KLHL7: variants seen among roughly 807,000 people sequenced by gnomAD.
The protein encoded by KLHL7 is kelch-like protein 7.
Under a neutral mutation model 67.4 loss-of-function variants are expected in KLHL7, and 44 were observed. That is an observed-to-expected ratio of 0.65 (90% CI 0.51 to 0.84). The LOEUF is 0.84. Ranked by LOEUF, KLHL7 falls within the 40% of genes least tolerant of loss-of-function variation. The pLI is 0.00. For synonymous variants in KLHL7, 252 were observed against 243.3 expected, an observed-to-expected ratio of 1.04 and a Z score of -0.33; for missense variants, 362 against 718.1, an observed-to-expected ratio of 0.50 and a Z score of 5.67.
chr7:23,113,551 C>T (rs1299875652), intron 1 of KLHL7, among the ~76,000 whole-genome samples: 2 of 152,050 alleles, frequency 1.3e-5, no homozygotes, highest in African/African-American at 4.8e-5. Context: ...GGGAGCCAGG[C>T]CGGGCACAGT....
intron 4 of KLHL7, among the ~76,000 whole-genome samples, chr7:23,138,774 G>C (rs1292180805): frequency 2.6e-5 from 4 of 151,996 alleles, no homozygotes; most frequent in African/African-American, 9.7e-5. Flanking sequence ...CTGACCTCAA[G>C]TGATCCCCAC....
chr7:23,140,711 G>A (rs1185198378), intron 4 of KLHL7, 58 bp from the exon 5 acceptor site: 3 of 1,418,204 alleles, frequency 2.1e-6, no homozygotes, highest in African/African-American at 1.4e-5. Flanking sequence ...CATCTTGAAT[G>A]TATACTTGGT....
chr7:23,148,617 A>G (rs1784437251), intron 6 of KLHL7, among the ~76,000 whole-genome samples: 2 of 152,142 alleles, frequency 1.3e-5, no homozygotes, highest in South Asian at 2.1e-4. Context: ...GTTATGCCCA[A>G]TTCCCAAACT....
rs560943053 is a variant in KLHL7, at chr7:23,176,226, T to C, written c.*1928T>C. The C allele has an allele frequency of 6.6e-6, 1 of 152,276 alleles. No homozygotes were observed. The highest frequency in any genetic ancestry group is 2.4e-5 in the African/African-American group (1 of 41,556). 9.4% of individuals were successfully genotyped at this position (152,276 alleles called of 1,614,324 possible). On this transcript the variant is annotated 3_prime_UTR_variant, in exon 11 of 11. Coordinates refer to ENST00000339077, the MANE Select transcript of KLHL7 (RefSeq NM_001031710.3). ...CTCCTAAATCAAGTTGTCAGCAGGGTTAGTTCCTTCTGGAGGGTCTGCAGC... is the reference window on the plus strand; with the variant it reads ...CTCCTAAATCAAGTTGTCAGCAGGGCTAGTTCCTTCTGGAGGGTCTGCAGC...
intron 5 of KLHL7, among the ~76,000 whole-genome samples, chr7:23,142,554 A>G (rs181428079): frequency 3.2e-4 from 49 of 152,294 alleles, no homozygotes; most frequent in Non-Finnish European, 8.8e-5. Context: ...GAAACGTTAT[A>G]AACAGTACCT....
chr7:23,172,874 A>G lies in KLHL7; in HGVS notation c.1380-74A>G, dbSNP rs1785205290. 3 of 1,057,400 alleles carry G rather than the reference A, an allele frequency of 2.8e-6. No individual in the cohort carries two copies. The African/African-American group carries it at 4.7e-5, about 17-fold the overall frequency. The allele number at this position is 1,057,400 out of a possible 1,614,324, so 65.5% of individuals were successfully genotyped here. On this transcript the variant is annotated intron_variant, in intron 9 of 10. Transcript: ENST00000339077. The stretch of plus-strand genomic sequence containing the variant: ...TAGTAAATGAGCACTTAATTAGAAT[A>G]ATAGACCTTTCTCATTAGTATGAGT...
chr7:23,134,665 C>G (rs534578763), intron 4 of KLHL7, among the ~76,000 whole-genome samples: 1 of 152,166 alleles, frequency 6.6e-6, no homozygotes, highest in Admixed American at 6.5e-5. Context: ...TGTATTACTT[C>G]CTGATTCAAT....
intron 7 of KLHL7, chr7:23,156,313 T>C: frequency 5.1e-6 from 1 of 196,906 alleles, no homozygotes; most frequent in East Asian, 1.5e-4. Context: ...ATTGAAATGA[T>C]ATTTTTCTTG....
intron 6 of KLHL7, among the ~76,000 whole-genome samples, chr7:23,150,593 C>T (rs7805071): frequency 0.36 from 55,117 of 151,886 alleles, 10,371 homozygotes; most frequent in African/African-American, 0.45. Flanking sequence ...TTTTTAACCA[C>T]TTCCCTAACA....
chr7:23,131,356 GAAA>G (rs940656049), intron 4 of KLHL7, among the ~76,000 whole-genome samples: 3 of 151,934 alleles, frequency 2.0e-5, no homozygotes, highest in Non-Finnish European at 4.4e-5. Flanking sequence ...TATTTTGGTA[GAAA>G]AAAACTTATT....
chr7:23,106,191 G>C, intron 1 of KLHL7, 45 bp downstream of exon 1: 4 of 1,597,482 alleles, frequency 2.5e-6, no homozygotes, highest in Non-Finnish European at 3.4e-6. Flanking sequence ...GAGGTGGTCC[G>C]GGGCTCGGGC....
At chr7:23,129,545 CT>C (rs1442859596) in intron 4 of KLHL7, 7 of 229,784 alleles carry the variant, frequency 3.0e-5, no homozygotes, top group Non-Finnish European at 6.1e-5. Context: ...CAACACTTCA[CT>C]GCTTGCTGTT....
intron 1 of KLHL7, chr7:23,106,893 A>C (rs1782667471): frequency 3.5e-6 from 3 of 853,172 alleles, no homozygotes; most frequent in South Asian, 1.1e-4. Flanking sequence ...TAAGCATAGA[A>C]AGTCACTTTT....
chr7:23,169,090 G>A (rs1199713427), intron 9 of KLHL7, among the ~76,000 whole-genome samples: 2 of 151,914 alleles, frequency 1.3e-5, no homozygotes, highest in African/African-American at 2.4e-5. Context: ...GCAAAATCCC[G>A]TCTCTACTAA....
At position 23,152,123 on chromosome 7, in the gene KLHL7, A is replaced by G; in HGVS notation, c.850A>G (p.Thr284Ala). 6.2e-7 allele frequency: 1 copy of G among 1,613,950 alleles called. No individual in the cohort carries two copies. The highest frequency in any genetic ancestry group is 8.5e-7 in the Non-Finnish European group (1 of 1,179,812). The change falls in exon 7 of 11, where the codon ACA becomes GCA. Residue 284 changes from threonine to alanine, a missense_variant. By Grantham distance (58) the Thr-to-Ala change is moderately conservative (BLOSUM62 0). Transcript: ENST00000339077. ...GGACCGAGAAGAACTTGTAGATGGCACAAGACCTAGAAGAAAGAAACATGA... is the reference window on the plus strand; with the variant it reads ...GGACCGAGAAGAACTTGTAGATGGCGCAAGACCTAGAAGAAAGAAACATGA... ...PEDREELVDG[T>A]RPRRKKHDYR...
intron 4 of KLHL7, chr7:23,125,940 T>A: frequency 8.4e-7 from 1 of 1,190,696 alleles, no homozygotes; most frequent in South Asian, 1.3e-5. Flanking sequence ...CTGAATCCTA[T>A]ATATACTGTG....
rs776690088 is a variant in KLHL7, at chr7:23,105,974, G to A, written c.-53G>A. 1.3e-6 allele frequency: 2 copies of A among 1,588,256 alleles called. No individual in the cohort carries two copies. Among genetic ancestry groups the A allele is most frequent in the Middle Eastern group, 2.0e-4 (1 of 5,052 alleles). On this transcript the variant is annotated 5_prime_UTR_variant, in exon 1 of 11. Coordinates refer to ENST00000339077, the MANE Select transcript of KLHL7 (RefSeq NM_001031710.3). ...AGAATCCCCAGTGTGCCCAGAGAGT[G>A]CGACCCCTCGCCCGGCCCGGCGAGC...
intron 4 of KLHL7, among the ~76,000 whole-genome samples, chr7:23,137,406 T>C (rs536239954): frequency 1.9e-4 from 29 of 151,148 alleles, no homozygotes; most frequent in Non-Finnish European, 2.7e-4. Flanking sequence ...ACAAGTCTTA[T>C]CAAGAAGAAA....
intron 4 of KLHL7, among the ~76,000 whole-genome samples, chr7:23,138,028 T>C (rs1049286302): frequency 6.6e-6 from 1 of 150,800 alleles, no homozygotes; most frequent in Non-Finnish European, 1.5e-5. Flanking sequence ...ATACAAAAAT[T>C]AGCCTGGCGT....
Sources: allele counts gnomAD v4.1 joint callset (sites outside exome capture counted in the v4.1 genomes callset), GRCh38; gene constraint gnomAD v4.1.1; transcripts MANE v1.5; gene names NCBI Gene and HGNC (gene_info 2026-07-23, HGNC 2026-07-21).